ANO1: variants seen among roughly 807,000 people sequenced by gnomAD.
The protein encoded by ANO1 is anoctamin-1.
Under a neutral mutation model 124.0 loss-of-function variants are expected in ANO1, and 59 were observed. That is an observed-to-expected ratio of 0.48 (90% CI 0.39 to 0.59). The LOEUF (loss-of-function observed/expected upper bound fraction) is 0.59. Ranked by LOEUF, ANO1 falls within the 20% of genes least tolerant of loss-of-function variation. The pLI is 0.00. For synonymous variants in ANO1, 529 were observed against 532.0 expected, an observed-to-expected ratio of 0.99 and a Z score of 0.08; for missense variants, 1,059 against 1,328.0, an observed-to-expected ratio of 0.80 and a Z score of 3.15.
At chr11:70,023,198 A>T (rs2135004256) in intron 1 of ANO1, among the ~76,000 whole-genome samples, 1 of 152,290 alleles carries the variant, frequency 6.6e-6, no homozygotes, top group East Asian at 1.9e-4. Flanking sequence ...ACAGTGGGAA[A>T]CTCGTGCGCT....
intron 1 of ANO1, among the ~76,000 whole-genome samples, chr11:70,068,000 TAATA>T (rs1565173196): frequency 6.6e-6 from 1 of 152,208 alleles, no homozygotes; most frequent in East Asian, 1.9e-4. Flanking sequence ...AGAAGGACCT[TAATA>T]AATAGGCTGA....
rs770195604 is a variant in ANO1 at position 70,140,694 on chromosome 11, C to T, written c.1258+8615C>T. On this transcript the variant is annotated intron_variant, in intron 11 of 25. Transcript: ENST00000355303. ...AAAGAAAATCATGGGGAGATATACTCTGCTACAAGGGTTTGTGATAAAGGA... is the reference window on the plus strand; with the variant it reads ...AAAGAAAATCATGGGGAGATATACTTTGCTACAAGGGTTTGTGATAAAGGA... Among the ~76,000 whole-genome samples, 19 of 152,172 alleles carry T rather than the reference C, an allele frequency of 1.2e-4. 1 individual carries two copies. Among genetic ancestry groups the T allele is most frequent in the Non-Finnish European group, 1.2e-4 (8 of 68,030 alleles).
chr11:70,151,712 C>T (rs983750334), intron 12 of ANO1, among the ~76,000 whole-genome samples: 6 of 152,164 alleles, frequency 3.9e-5, no homozygotes, highest in Admixed American at 1.3e-4. Flanking sequence ...GCACCCCCAG[C>T]GGCTGGTCAG....
intron 1 of ANO1, among the ~76,000 whole-genome samples, chr11:70,083,004 C>T (rs2044249147): frequency 6.6e-6 from 1 of 152,202 alleles, no homozygotes; most frequent in Non-Finnish European, 1.5e-5. Flanking sequence ...GGCGCTGGGA[C>T]TCCCACACCT....
chr11:70,133,510 G>T (rs537327216), intron 11 of ANO1, among the ~76,000 whole-genome samples: 30 of 152,314 alleles, frequency 2.0e-4, no homozygotes, highest in South Asian at 6.2e-4. Context: ...AGCAGGTTGG[G>T]CAGAGAGGGA....
chr11:69,996,550 G>T (rs1186581254), intron 1 of ANO1, among the ~76,000 whole-genome samples: 1 of 152,128 alleles, frequency 6.6e-6, no homozygotes, highest in Non-Finnish European at 1.5e-5. Context: ...CCTTAAAGAG[G>T]CTAATGAATG....
intron 19 of ANO1, chr11:70,165,228 C>A: frequency 1.9e-6 from 1 of 523,334 alleles, no homozygotes; most frequent in Non-Finnish European, 3.5e-6. Flanking sequence ...CTGAGGACAT[C>A]AGTCCTCAGA....
At chr11:70,084,090 G>A (rs1040710016) in intron 1 of ANO1, among the ~76,000 whole-genome samples, 1 of 152,144 alleles carries the variant, frequency 6.6e-6, no homozygotes, top group Non-Finnish European at 1.5e-5. Flanking sequence ...AGAGGAGACT[G>A]GGGAAGGCAG....
intron 11 of ANO1, among the ~76,000 whole-genome samples, chr11:70,146,699 G>A (rs2047391386): frequency 6.6e-6 from 1 of 152,162 alleles, no homozygotes; most frequent in Admixed American, 6.5e-5. Flanking sequence ...CCCAAAAGTA[G>A]GAAAGCCGAC....
chr11:70,161,084 C>T (rs1341948233), intron 16 of ANO1, 77 bp from the exon 17 acceptor site: 9 of 1,347,654 alleles, frequency 6.7e-6, no homozygotes, highest in Non-Finnish European at 9.1e-6. Context: ...GACAGCTGGA[C>T]TGAGGGAGCA....
At chr11:70,165,248 C>A in intron 19 of ANO1, 1 of 561,402 alleles carries the variant, frequency 1.8e-6, no homozygotes, top group Non-Finnish European at 3.2e-6. Context: ...ATGGGCGCCC[C>A]ATCTGAAAAC....
At chr11:70,186,051 C>G (rs1181491945) in intron 25 of ANO1, among the ~76,000 whole-genome samples, 1 of 152,110 alleles carries the variant, frequency 6.6e-6, no homozygotes, top group South Asian at 2.1e-4. Context: ...TTTGGGAGAC[C>G]GAGGCAGGTG....
At chr11:70,161,940 G>A (rs1465338464) in intron 18 of ANO1, among the ~76,000 whole-genome samples, 1 of 152,178 alleles carries the variant, frequency 6.6e-6, no homozygotes, top group East Asian at 1.9e-4. Flanking sequence ...AGGTGGCAGG[G>A]AACCCAGGCA....
intron 1 of ANO1, among the ~76,000 whole-genome samples, chr11:70,027,471 T>G (rs1033679872): frequency 3.3e-5 from 5 of 152,236 alleles, no homozygotes; most frequent in Admixed American, 2.6e-4. Flanking sequence ...TTGACACATT[T>G]GTAAAGTTGA....
At chr11:69,984,897 G>A (rs1554996700), upstream of ANO1, among the ~76,000 whole-genome samples, 1 of 152,218 alleles carries the variant, frequency 6.6e-6, no homozygotes. Context: ...TGGTCACGGA[G>A]CCACTTAGCA....
chr11:69,989,210 G>A (rs1856107882), intron 1 of ANO1, among the ~76,000 whole-genome samples: 1 of 152,188 alleles, frequency 6.6e-6, no homozygotes, highest in Non-Finnish European at 1.5e-5. Flanking sequence ...TAGCTGGTAA[G>A]TGGCAGAGGC....
rs1188271051 is a variant in ANO1 at position 70,010,179 on chromosome 11, G to GTATGTGTGTGTATATACATATATATATA, written c.58+24016_58+24017insGTGTGTGTATATACATATATATATATAT. Among the ~76,000 whole-genome samples the GTATGTGTGTGTATATACATATATATATA allele has an allele frequency of 3.6e-5, 3 of 83,776 alleles. 1 individual carries two copies. Among genetic ancestry groups the GTATGTGTGTGTATATACATATATATATA allele is most frequent in the Non-Finnish European group, 4.8e-5 (2 of 41,518 alleles). The allele number at this position is 83,776 out of a possible 152,430, so 55.0% of individuals were successfully genotyped here. ...TGTGTGTGTGTGCGCGTGTGTGTGT[G>GTATGTGTGTGTATATACATATATATATA]TATATATATATATATATATCACATT... is the stretch of plus-strand genomic sequence containing the variant. On this transcript the variant is annotated intron_variant, in intron 1 of 27. Coordinates refer to the ANO1 transcript ENST00000531349.
intron 2 of ANO1, among the ~76,000 whole-genome samples, chr11:70,090,294 A>T (rs1335782480): frequency 2.0e-5 from 3 of 152,144 alleles, no homozygotes; most frequent in African/African-American, 7.2e-5. Context: ...GGCGTGAGCC[A>T]CCGCGCCTGG....
chr11:70,079,727 T>C (rs1404309907), intron 1 of ANO1, among the ~76,000 whole-genome samples: 21 of 152,202 alleles, frequency 1.4e-4, no homozygotes. Context: ...TCAAGCAGGA[T>C]GAGGATGGCC....
Sources: allele counts gnomAD v4.1 joint callset (sites outside exome capture counted in the v4.1 genomes callset), GRCh38; gene constraint gnomAD v4.1.1; transcripts MANE v1.5; gene names NCBI Gene and HGNC (gene_info 2026-07-23, HGNC 2026-07-21).